Variants in CACNA2D1 observed in about 807,000 individuals in gnomAD.
CACNA2D1 encodes calcium voltage-gated channel auxiliary subunit alpha2delta 1, also known as voltage-dependent calcium channel subunit alpha-2/delta-1.
A neutral mutation model predicts 171.5 loss-of-function variants in CACNA2D1; 53 were observed. That is an observed-to-expected ratio of 0.31 (90% CI 0.25 to 0.39). CACNA2D1 has a LOEUF of 0.39. Among genes scored for constraint, CACNA2D1 ranks in the 10% least tolerant of loss-of-function variants. CACNA2D1 has a pLI of 1.00. For missense variants in CACNA2D1, 903 were observed against 1,299.8 expected, an observed-to-expected ratio of 0.69 and a Z score of 4.69; for synonymous variants, 442 against 443.1, an observed-to-expected ratio of 1.00 and a Z score of 0.03.
intron 32 of CACNA2D1, among the ~76,000 whole-genome samples, chr7:81,965,307 A>C (rs1219393850): frequency 2.0e-5 from 3 of 151,940 alleles, no homozygotes; most frequent in African/African-American, 7.2e-5. Context: ...ACAAATGTTG[A>C]AGTGAAAGTT....
At position 81,969,951 on chromosome 7, in the gene CACNA2D1, T is replaced by C. The variant is rs192741898; in HGVS notation, c.2238A>G (p.Thr746=). The C allele has an allele frequency of 7.5e-6, 12 of 1,608,760 alleles. No homozygotes were observed. In the East Asian group the frequency reaches 2.2e-4, roughly 30 times the overall value. Residue 746 remains threonine, a synonymous_variant, in exon 28 of 39, where the codon ACA becomes ACG. Transcript: ENST00000356860. ...TCCTTTTATAGAAGCTGTCCTCATA[T>C]GTCTCTGGGTTTTCTTGCCAATTTT... ...AGENWQENPE[T]YEDSFYKRSL...
At chr7:82,060,654 T>C in intron 9 of CACNA2D1, 127 bp from the exon 10 acceptor site, 2 of 538,024 alleles carry the variant, frequency 3.7e-6, no homozygotes, top group South Asian at 6.3e-5. Context: ...AATTTTGCCC[T>C]TGAAAATCAG....
chr7:82,183,247 G>T (rs1797333900), intron 3 of CACNA2D1, among the ~76,000 whole-genome samples: 1 of 152,148 alleles, frequency 6.6e-6, no homozygotes, highest in Admixed American at 6.5e-5. Context: ...CAGCCTGAAT[G>T]ATTAACTTTC....
rs140109066 is a variant in CACNA2D1, at chr7:82,085,192, G to A, written c.527-292C>T. Among the ~76,000 whole-genome samples the A allele has an allele frequency of 2.7e-4, 41 of 152,142 alleles. No homozygotes were observed. In the East Asian group the frequency reaches 3.9e-3, roughly 14 times the overall value. On this transcript the variant is annotated intron_variant, in intron 6 of 38. Transcript: ENST00000356860. ...GTGTCCCTACTGACATTTTGGCCTC[G>A]GTTATTCTTTGTTGTGAGGTCTAAT... is the stretch of plus-strand genomic sequence containing the variant.
intron 21 of CACNA2D1, among the ~76,000 whole-genome samples, chr7:81,988,009 C>G (rs563036060): frequency 5.9e-5 from 9 of 152,042 alleles, no homozygotes; most frequent in Non-Finnish European, 1.2e-4. Flanking sequence ...TGGGTGCATG[C>G]GGAAAAGAGG....
At chr7:82,124,383 C>T (rs981385151) in intron 5 of CACNA2D1, among the ~76,000 whole-genome samples, 4 of 152,118 alleles carry the variant, frequency 2.6e-5, no homozygotes, top group Admixed American at 2.6e-4. Context: ...CCTCCCACAA[C>T]CAATCAGACT....
chr7:82,294,485 T>C (rs1585375837), intron 3 of CACNA2D1, among the ~76,000 whole-genome samples: 1 of 152,256 alleles, frequency 6.6e-6, no homozygotes, highest in South Asian at 2.1e-4. Flanking sequence ...AACAGAAATA[T>C]GACTTTTTGT....
chr7:82,174,126 T>C (rs1585002103), intron 3 of CACNA2D1, among the ~76,000 whole-genome samples: 1 of 146,586 alleles, frequency 6.8e-6, no homozygotes, highest in Admixed American at 6.9e-5. Flanking sequence ...CCTGTTTCCA[T>C]AGTTGGCTAT....
chr7:82,306,361 A>G, intron 3 of CACNA2D1, among the ~76,000 whole-genome samples: 1 of 152,212 alleles, frequency 6.6e-6, no homozygotes, highest in East Asian at 1.9e-4. Flanking sequence ...TCTTAAGAAG[A>G]AGTTCCATCC....
At chr7:82,300,133 T>C (rs1056217229) in intron 3 of CACNA2D1, among the ~76,000 whole-genome samples, 1 of 152,146 alleles carries the variant, frequency 6.6e-6, no homozygotes, top group Non-Finnish European at 1.5e-5. Context: ...GCAGGCTATT[T>C]TGATCTTCAC....
chr7:82,221,406 T>G (rs561990189), intron 3 of CACNA2D1, among the ~76,000 whole-genome samples: 1 of 152,328 alleles, frequency 6.6e-6, no homozygotes, highest in Non-Finnish European at 1.5e-5. Context: ...ACACATTTTC[T>G]ACAGTAGATT....
chr7:81,984,462 A>C, intron 22 of CACNA2D1, among the ~76,000 whole-genome samples, 173 bp downstream of exon 22: 1 of 152,178 alleles, frequency 6.6e-6, no homozygotes, highest in East Asian at 1.9e-4. Context: ...TCCATGTAGA[A>C]TATTTCTTGT....
At chr7:82,299,700 T>C (rs1191551026) in intron 3 of CACNA2D1, among the ~76,000 whole-genome samples, 1 of 151,752 alleles carries the variant, frequency 6.6e-6, no homozygotes, top group Non-Finnish European at 1.5e-5. Flanking sequence ...GAATGCATAA[T>C]TTCAAAGTGT....
At chr7:82,150,279 C>A (rs28708519) in intron 4 of CACNA2D1, among the ~76,000 whole-genome samples, 28,711 of 59,922 alleles carry the variant, frequency 0.48, 5,276 homozygotes, top group Non-Finnish European at 0.52. Flanking sequence ...ACAAAAACAA[C>A]AACAAAAAAA....
chr7:82,392,476 T>C (rs1407434801), intron 1 of CACNA2D1, among the ~76,000 whole-genome samples: 1 of 152,102 alleles, frequency 6.6e-6, no homozygotes, highest in East Asian at 1.9e-4. Flanking sequence ...CAAACATGGG[T>C]ACAAGCCGTA....
chr7:82,113,859 C>G (rs1021767001), intron 6 of CACNA2D1, among the ~76,000 whole-genome samples: 2 of 152,040 alleles, frequency 1.3e-5, no homozygotes, highest in African/African-American at 4.8e-5. Flanking sequence ...TAAAGGAGTA[C>G]AGGCCAGGAA....
chr7:81,977,466 AC>A lies in CACNA2D1; in HGVS notation c.1956-2915del, dbSNP rs575372352. On this transcript the variant is annotated intron_variant, in intron 24 of 38. Transcript: ENST00000356860. ...TCTACAACCATCTGATTTTTGACAA[AC>A]CTGACAAAAACAAGCAATAGGGAAA... Among the ~76,000 whole-genome samples the A allele has an allele frequency of 2.9e-3, 444 of 152,150 alleles. 2 individuals are homozygous for A. Among genetic ancestry groups the A allele is most frequent in the African/African-American group, 0.01 (419 of 41,510 alleles).
chr7:82,295,321 T>C (rs1812122850), intron 3 of CACNA2D1, among the ~76,000 whole-genome samples: 1 of 147,728 alleles, frequency 6.8e-6, no homozygotes, highest in South Asian at 2.2e-4. Context: ...TACTTGAAAA[T>C]GTCTAAGAAA....
chr7:82,061,083 C>G (rs1161970794), intron 9 of CACNA2D1, among the ~76,000 whole-genome samples: 1 of 152,156 alleles, frequency 6.6e-6, no homozygotes. Context: ...TGGCTCAACT[C>G]TAGGCAACTA....
Sources: gnomAD v4.1 joint callset for allele counts (sites outside exome capture counted in the v4.1 genomes callset) on GRCh38, gnomAD v4.1.1 for gene constraint, MANE v1.5 for transcripts, NCBI Gene and HGNC (gene_info 2026-07-23, HGNC 2026-07-21) for gene names.